Variants in ASIC2 observed in about 807,000 individuals in gnomAD.
ASIC2 encodes the protein acid-sensing ion channel 2.
A neutral mutation model predicts 57.3 loss-of-function variants in ASIC2; 25 were observed. The observed-to-expected ratio is 0.44, with a 90% CI of 0.32 to 0.61. The LOEUF is 0.61. Ranked by LOEUF, ASIC2 falls within the 20% of genes least tolerant of loss-of-function variation. ASIC2 has a pLI of 0.06. For missense variants in ASIC2, 641 were observed against 738.1 expected, an observed-to-expected ratio of 0.87 and a Z score of 1.52; for synonymous variants, 319 against 307.5, an observed-to-expected ratio of 1.04 and a Z score of -0.39.
intron 1 of ASIC2, among the ~76,000 whole-genome samples, chr17:34,097,368 AGAG>A (rs1910585145): frequency 6.6e-6 from 1 of 152,132 alleles, no homozygotes; most frequent in Admixed American, 6.5e-5. Flanking sequence ...AGGGGGTGGG[AGAG>A]AAGAAGATGG....
intron 1 of ASIC2, among the ~76,000 whole-genome samples, chr17:33,681,055 A>C (rs1907986276): frequency 6.6e-6 from 1 of 152,170 alleles, no homozygotes; most frequent in Admixed American, 6.5e-5. Flanking sequence ...GGTGAAGCTC[A>C]GTGGTCTCTG....
chr17:33,585,982 G>T (rs1226956376), intron 1 of ASIC2, among the ~76,000 whole-genome samples: 2 of 152,148 alleles, frequency 1.3e-5, no homozygotes, highest in Non-Finnish European at 2.9e-5. Context: ...AGGGAAGAAG[G>T]ATGGCGGAGT....
At chr17:34,115,666 T>G (rs1911404405) in intron 1 of ASIC2, among the ~76,000 whole-genome samples, 1 of 152,168 alleles carries the variant, frequency 6.6e-6, no homozygotes, top group African/African-American at 2.4e-5. Flanking sequence ...CATTTTCAAT[T>G]CCTCCAAATA....
intron 1 of ASIC2, chr17:34,004,384 C>T (rs1377848699): frequency 6.6e-6 from 1 of 152,192 alleles, no homozygotes; most frequent in Non-Finnish European, 1.5e-5. Flanking sequence ...TAGACACAGA[C>T]TAGCAACAGC....
At chr17:33,153,847 T>TG (rs1470041065) in intron 1 of ASIC2, among the ~76,000 whole-genome samples, 1 of 152,150 alleles carries the variant, frequency 6.6e-6, no homozygotes, top group East Asian at 1.9e-4. Context: ...CATGTGAATT[T>TG]GGGGGGCCTG....
intron 1 of ASIC2, among the ~76,000 whole-genome samples, chr17:33,381,036 C>T (rs552983576): frequency 9.2e-5 from 14 of 152,280 alleles, no homozygotes; most frequent in Admixed American, 2.0e-4. Context: ...GCTCACAGTT[C>T]GAGATGGCAG....
chr17:33,622,614 A>G (rs1905836948), intron 1 of ASIC2, among the ~76,000 whole-genome samples: 1 of 152,224 alleles, frequency 6.6e-6, no homozygotes, highest in Non-Finnish European at 1.5e-5. Context: ...TACCTTTCTC[A>G]TATCTAGGTA....
chr17:33,974,929 T>C (rs1001357695), intron 1 of ASIC2, among the ~76,000 whole-genome samples: 1 of 152,192 alleles, frequency 6.6e-6, no homozygotes, highest in African/African-American at 2.4e-5. Context: ...TTCTCCATAG[T>C]ACTTTATCAT....
chr17:33,358,892 C>A (rs1908490477), intron 1 of ASIC2, among the ~76,000 whole-genome samples: 1 of 152,156 alleles, frequency 6.6e-6, no homozygotes, highest in African/African-American at 2.4e-5. Context: ...AAAGACAACA[C>A]CTCCCTTAAA....
At chr17:33,726,727 T>C (rs1421836863) in intron 1 of ASIC2, among the ~76,000 whole-genome samples, 1 of 152,236 alleles carries the variant, frequency 6.6e-6, no homozygotes, top group Non-Finnish European at 1.5e-5. Flanking sequence ...CATCCTGGGA[T>C]AACCTCAAGC....
chr17:33,720,716 C>T lies in ASIC2; in HGVS notation c.555+435262G>A, dbSNP rs1014034783. Among the ~76,000 whole-genome samples, 20 of 152,162 alleles carry T rather than the reference C, an allele frequency of 1.3e-4. No homozygotes were observed. The East Asian group carries it at 1.9e-3, about 15-fold the overall frequency. On this transcript the variant is annotated intron_variant, in intron 1 of 9. Coordinates refer to the ASIC2 transcript ENST00000359872. Reference sequence around the variant, plus strand: ...ATTTGGGATAACTTAGGTGTTACTGCGGTTCAATAAACATCCAACACAGAC... The same window carrying T: ...ATTTGGGATAACTTAGGTGTTACTGTGGTTCAATAAACATCCAACACAGAC...
intron 1 of ASIC2, among the ~76,000 whole-genome samples, chr17:34,111,867 T>C (rs1356441549): frequency 6.6e-6 from 1 of 152,216 alleles, no homozygotes; most frequent in African/African-American, 2.4e-5. Flanking sequence ...TGGATTATTT[T>C]TCCATCTTAT....
intron 2 of ASIC2, among the ~76,000 whole-genome samples, chr17:33,091,453 G>A (rs910261294): frequency 3.0e-4 from 45 of 152,208 alleles, no homozygotes; most frequent in African/African-American, 1.1e-3. Flanking sequence ...CTGAAGCCGT[G>A]TGTGCCTGCT....
chr17:33,306,208 T>C (rs1336329823), intron 1 of ASIC2, among the ~76,000 whole-genome samples: 1 of 152,194 alleles, frequency 6.6e-6, no homozygotes, highest in Non-Finnish European at 1.5e-5. Flanking sequence ...CAGAAACATT[T>C]TAGGGTTTTG....
intron 1 of ASIC2, among the ~76,000 whole-genome samples, chr17:33,781,322 C>T (rs913694775): frequency 8.5e-5 from 13 of 152,176 alleles, no homozygotes; most frequent in African/African-American, 3.1e-4. Context: ...GGCTACGTGT[C>T]TTTTTGTTTT....
intron 1 of ASIC2, among the ~76,000 whole-genome samples, chr17:33,351,250 C>G (rs1908165152): frequency 6.6e-6 from 1 of 152,014 alleles, no homozygotes; most frequent in Non-Finnish European, 1.5e-5. Context: ...TCTGACTGCC[C>G]CTCCCTACTT....
At chr17:33,820,476 C>G (rs1352599585) in intron 1 of ASIC2, among the ~76,000 whole-genome samples, 1 of 152,102 alleles carries the variant, frequency 6.6e-6, no homozygotes, top group Non-Finnish European at 1.5e-5. Context: ...ACATTATTAG[C>G]CAGCAATTTC....
At chr17:33,761,884 T>C (rs1357280562) in intron 1 of ASIC2, among the ~76,000 whole-genome samples, 2 of 151,576 alleles carry the variant, frequency 1.3e-5, no homozygotes, top group Non-Finnish European at 2.9e-5. Context: ...AGAGTCCTCA[T>C]TTCAAAGCCC....
chr17:33,081,306 A>G (rs2092112235), intron 3 of ASIC2, among the ~76,000 whole-genome samples: 2 of 152,236 alleles, frequency 1.3e-5, no homozygotes, highest in Non-Finnish European at 2.9e-5. Context: ...TTACTACTTT[A>G]GATGCTGAGT....
Sources: allele counts gnomAD v4.1 joint callset (sites outside exome capture counted in the v4.1 genomes callset), GRCh38; gene constraint gnomAD v4.1.1; transcripts MANE v1.5; gene names NCBI Gene and HGNC (gene_info 2026-07-23, HGNC 2026-07-21).